The following B3GALT1 variants were observed in gnomAD, a reference collection of about 807,000 sequenced individuals.
B3GALT1 encodes the protein beta-1,3-galactosyltransferase 1.
In B3GALT1, 10 loss-of-function variants were observed where a neutral mutation model predicts 23.2. The observed-to-expected ratio is 0.43, with a 90% CI of 0.27 to 0.73. The LOEUF (loss-of-function observed/expected upper bound fraction) is 0.73. B3GALT1 is among the 30% of genes least tolerant of loss of function. The pLI is 0.21. For missense variants in B3GALT1, 299 were observed against 405.4 expected (o/e 0.74, Z 2.25); for synonymous variants, 156 against 141.5 (o/e 1.10, Z -0.73).
intron 1 of B3GALT1, among the ~76,000 whole-genome samples, chr2:167,358,552 T>C (rs914679196): frequency 6.6e-6 from 1 of 151,912 alleles, no homozygotes; most frequent in Admixed American, 6.6e-5. Flanking sequence ...AATAATGAAC[T>C]TTTTTTTAGT....
chr2:167,478,722 C>A (rs1487173048), intron 1 of B3GALT1, among the ~76,000 whole-genome samples: 1 of 151,692 alleles, frequency 6.6e-6, no homozygotes, highest in Non-Finnish European at 1.5e-5. Flanking sequence ...CCTCCTCCCC[C>A]CACCCCATGA....
intron 1 of B3GALT1, among the ~76,000 whole-genome samples, chr2:167,385,739 T>TC (rs201241416): frequency 3.3e-5 from 5 of 152,246 alleles, no homozygotes; most frequent in African/African-American, 1.2e-4. Flanking sequence ...ACCTTTTTTT[T>TC]CACCAAAATT....
intron 3 of B3GALT1, among the ~76,000 whole-genome samples, chr2:167,801,955 C>A (rs1343371466): frequency 1.1e-4 from 16 of 152,166 alleles, no homozygotes; most frequent in Admixed American, 8.5e-4. Flanking sequence ...GAGAAGCCAC[C>A]ATGGATCAGC....
chr2:167,297,557 C>G (rs999790241), intron 1 of B3GALT1, among the ~76,000 whole-genome samples: 1 of 151,918 alleles, frequency 6.6e-6, no homozygotes, highest in Non-Finnish European at 1.5e-5. Flanking sequence ...GCAGTCAGTC[C>G]AATTACAGAT....
intron 2 of B3GALT1, among the ~76,000 whole-genome samples, chr2:167,517,605 G>A (rs1031757267): frequency 2.6e-5 from 4 of 151,942 alleles, no homozygotes; most frequent in Non-Finnish European, 4.4e-5. Flanking sequence ...CAGTGGTCCA[G>A]AAACAACCCA....
chr2:167,765,322 A>G (rs944600240), intron 3 of B3GALT1, among the ~76,000 whole-genome samples: 1 of 152,170 alleles, frequency 6.6e-6, no homozygotes, highest in African/African-American at 2.4e-5. Flanking sequence ...AATCAGCCAC[A>G]TAATAATTTA....
rs1303294088 is a variant in B3GALT1 at position 167,400,190 on chromosome 2, G to GTGTGTGTGTC, written c.-510-89984_-510-89983insGTGTGTCTGT. 1.2e-3 allele frequency among the ~76,000 whole-genome samples: 176 copies of GTGTGTGTGTC among 151,098 alleles called. 2 individuals are homozygous for GTGTGTGTGTC. The East Asian group carries it at 0.031, about 26-fold the overall frequency. On this transcript the variant is annotated intron_variant, in intron 1 of 4. Coordinates refer to ENST00000392690, the MANE Select transcript of B3GALT1 (RefSeq NM_020981.4). The stretch of plus-strand genomic sequence containing the variant: ...TCTGTGTGTGTGTGTGTGTGTGTGT[G>GTGTGTGTGTC]TGTCTGTGTGTGTGTATGTGTGTTA...
intron 1 of B3GALT1, among the ~76,000 whole-genome samples, chr2:167,406,911 G>A (rs1275432693): frequency 6.6e-6 from 1 of 152,198 alleles, no homozygotes; most frequent in East Asian, 1.9e-4. Flanking sequence ...TACTAGTGCT[G>A]AGGTGAAACT....
rs79404706 is a variant in B3GALT1 at position 167,597,784 on chromosome 2, G to A, written c.-409-49125G>A. Among the ~76,000 whole-genome samples, 271 of 152,242 alleles carry A rather than the reference G, an allele frequency of 1.8e-3. 2 individuals are homozygous for A. The East Asian group carries it at 0.033, about 18-fold the overall frequency. On this transcript the variant is annotated intron_variant, in intron 2 of 4. Transcript: ENST00000392690. ...GATATAGATGTAGATTTCTGCTACT[G>A]GGGAAAACATGTAAAAATGACTCTC...
chr2:167,451,783 C>T (rs557573727), intron 1 of B3GALT1, among the ~76,000 whole-genome samples: 8 of 152,228 alleles, frequency 5.3e-5, no homozygotes, highest in East Asian at 3.9e-4. Context: ...GCTACCAGGG[C>T]GGGTAGAGAA....
chr2:167,558,786 G>C (rs1048613800), intron 2 of B3GALT1, among the ~76,000 whole-genome samples: 1 of 152,242 alleles, frequency 6.6e-6, no homozygotes, highest in Non-Finnish European at 1.5e-5. Flanking sequence ...GGCTTGCTTA[G>C]GTAAACAAAG....
chr2:167,716,064 A>G (rs1163210362), intron 3 of B3GALT1: 4 of 1,582,508 alleles, frequency 2.5e-6, no homozygotes, highest in East Asian at 4.5e-5. Flanking sequence ...GGGCTCCTCC[A>G]TAGCGCCAAG....
intron 3 of B3GALT1, among the ~76,000 whole-genome samples, chr2:167,703,312 C>T (rs990505672): frequency 1.3e-5 from 2 of 152,132 alleles, no homozygotes; most frequent in Non-Finnish European, 2.9e-5. Context: ...TACTGGGCTA[C>T]TCTCCCTACA....
At chr2:167,534,730 T>C (rs1683386880) in intron 2 of B3GALT1, among the ~76,000 whole-genome samples, 1 of 152,144 alleles carries the variant, frequency 6.6e-6, no homozygotes, top group African/African-American at 2.4e-5. Flanking sequence ...TATTTAGATA[T>C]TTATATGAGG....
chr2:167,302,709 G>T (rs1696470032), intron 1 of B3GALT1, among the ~76,000 whole-genome samples: 1 of 152,052 alleles, frequency 6.6e-6, no homozygotes, highest in Non-Finnish European at 1.5e-5. Flanking sequence ...GTCCTAATTT[G>T]TATTAACTCA....
intron 3 of B3GALT1, among the ~76,000 whole-genome samples, chr2:167,760,877 T>TA (rs1428484071): frequency 1.3e-5 from 2 of 152,336 alleles, no homozygotes; most frequent in East Asian, 3.9e-4. Flanking sequence ...ATGTCACCCA[T>TA]ATCTTTGGCA....
At chr2:167,298,835 A>C (rs12104788) in intron 1 of B3GALT1, among the ~76,000 whole-genome samples, 1 of 152,042 alleles carries the variant, frequency 6.6e-6, no homozygotes, top group Admixed American at 6.5e-5. Context: ...AAAATGCTTA[A>C]GAAAATTTAA....
At chr2:167,428,484 G>C (rs1698656150) in intron 1 of B3GALT1, among the ~76,000 whole-genome samples, 1 of 151,640 alleles carries the variant, frequency 6.6e-6, no homozygotes, top group South Asian at 2.1e-4. Context: ...AGATCAGCCT[G>C]GCCAACATGG....
chr2:167,699,227 AT>A (rs1487638664), intron 3 of B3GALT1, among the ~76,000 whole-genome samples: 6 of 151,894 alleles, frequency 4.0e-5, no homozygotes, highest in Non-Finnish European at 8.8e-5. Context: ...ATAATAATTG[AT>A]TTTGTTTTTT....
Sources: gnomAD v4.1 joint callset for allele counts (sites outside exome capture counted in the v4.1 genomes callset) on GRCh38, gnomAD v4.1.1 for gene constraint, MANE v1.5 for transcripts, NCBI Gene and HGNC (gene_info 2026-07-23, HGNC 2026-07-21) for gene names.